CCDC171: variants seen among roughly 807,000 people sequenced by gnomAD.
CCDC171 encodes the protein coiled-coil domain-containing protein 171.
CCDC171 carries 177 observed loss-of-function variants against 168.2 expected under a neutral mutation model. The observed-to-expected ratio is 1.05, with a 90% confidence interval of 0.93 to 1.19. The LOEUF (loss-of-function observed/expected upper bound fraction) is 1.19, where lower values mean the gene tolerates loss of function less well. Among genes scored for constraint, CCDC171 ranks in the 50% most tolerant of loss-of-function variants. The probability of loss-of-function intolerance (pLI) is 0.00; values close to 1 mark genes in which losing one functional copy is unlikely to be tolerated. For synonymous variants in CCDC171, 687 were observed against 540.8 expected (o/e 1.27, Z -3.75); for missense variants, 1,991 against 1,539.0 (o/e 1.29, Z -4.91).
chr9:15,915,414 C>T (rs376320585), intron 24 of CCDC171, among the ~76,000 whole-genome samples: 117 of 151,574 alleles, frequency 7.7e-4, no homozygotes, highest in Non-Finnish European at 1.0e-3. Context: ...ATTTTGTCCT[C>T]AGATAGATTA....
chr9:15,556,339 A>G (rs1427869526), intron 1 of CCDC171, among the ~76,000 whole-genome samples: 1 of 152,124 alleles, frequency 6.6e-6, no homozygotes, highest in Non-Finnish European at 1.5e-5. Flanking sequence ...TGGTTGAACT[A>G]GTTTACAGTC....
chr9:16,034,457 A>G lies in CCDC171; in HGVS notation n.999-1000A>G, dbSNP rs1399139670. On this transcript the variant is annotated intron_variant and non_coding_transcript_variant, in intron 6 of 9. Transcript: ENST00000486641. ...TTTTTACTTCATTGTGGGAAGGGAG[A>G]TCTCACACATTTTTTCCACAGTAAT... 2.0e-5 allele frequency among the ~76,000 whole-genome samples: 3 copies of G among 152,226 alleles called. No homozygotes were observed. In the East Asian group the frequency reaches 5.8e-4, roughly 29 times the overall value.
chr9:15,857,154 T>G (rs2061376599), intron 23 of CCDC171, among the ~76,000 whole-genome samples: 1 of 151,984 alleles, frequency 6.6e-6, no homozygotes, highest in Non-Finnish European at 1.5e-5. Flanking sequence ...GTATTTTCTC[T>G]TATCCCACAG....
At chr9:15,748,067 T>C (rs571292461) in intron 18 of CCDC171, among the ~76,000 whole-genome samples, 71 of 152,212 alleles carry the variant, frequency 4.7e-4, no homozygotes, top group Non-Finnish European at 7.2e-4. Flanking sequence ...GACCATCATG[T>C]TGAAGCTGCC....
intron 6 of CCDC171, among the ~76,000 whole-genome samples, chr9:15,599,001 G>A (rs2042611178): frequency 6.6e-6 from 1 of 152,014 alleles, no homozygotes; most frequent in African/African-American, 2.4e-5. Flanking sequence ...CATTTGCTTG[G>A]TGGATCTTCC....
chr9:15,874,514 C>G lies in CCDC171; in HGVS notation c.3469-18C>G. 1.3e-6 allele frequency: 2 copies of G among 1,577,074 alleles called. No individual in the cohort carries two copies. Among genetic ancestry groups the G allele is most frequent in the South Asian group, 1.2e-5 (1 of 84,688 alleles). On this transcript the variant is annotated intron_variant, in intron 23 of 25. Transcript: ENST00000380701. The stretch of plus-strand genomic sequence containing the variant: ...GTCTGAAGGGGAATTACCATTGATG[C>G]TGTTTTTTTCCCTTTAGGTCAGAGA...
chr9:15,758,136 C>A (rs2135020426), intron 18 of CCDC171, among the ~76,000 whole-genome samples: 1 of 152,322 alleles, frequency 6.6e-6, no homozygotes, highest in South Asian at 2.1e-4. Flanking sequence ...CCACTGACAG[C>A]TCGCACTGTT....
At chr9:15,824,342 T>C (rs1033282380) in intron 21 of CCDC171, among the ~76,000 whole-genome samples, 5 of 152,000 alleles carry the variant, frequency 3.3e-5, no homozygotes, top group Admixed American at 2.6e-4. Flanking sequence ...TATGTATTAA[T>C]TTTATATGTT....
intron 20 of CCDC171, 112 bp downstream of exon 20, chr9:15,779,262 C>G (rs2135416907): frequency 1.8e-6 from 1 of 540,700 alleles, no homozygotes; most frequent in Non-Finnish European, 2.9e-6. Flanking sequence ...AATTCAAAAG[C>G]CTATTAATAA....
chr9:15,601,453 A>G (rs926635476), intron 6 of CCDC171, among the ~76,000 whole-genome samples: 1 of 152,220 alleles, frequency 6.6e-6, no homozygotes. Flanking sequence ...AGGACAGTAC[A>G]ACCACGCTTT....
chr9:15,764,797 T>A (rs1375976151), intron 18 of CCDC171, among the ~76,000 whole-genome samples: 2 of 152,210 alleles, frequency 1.3e-5, no homozygotes, highest in East Asian at 3.8e-4. Flanking sequence ...TTAACCCTGG[T>A]TGTACATTAG....
intron 25 of CCDC171, among the ~76,000 whole-genome samples, chr9:15,969,238 A>C (rs1363829646): frequency 6.6e-6 from 1 of 152,184 alleles, no homozygotes; most frequent in African/African-American, 2.4e-5. Context: ...TATTAGAAAA[A>C]GTAGGATGAG....
intron 23 of CCDC171, among the ~76,000 whole-genome samples, chr9:15,849,307 G>A (rs1020371025): frequency 1.3e-5 from 2 of 150,436 alleles, no homozygotes; most frequent in Non-Finnish European, 3.0e-5. Context: ...TTAAACCAAT[G>A]GTCCTATATA....
intron 6 of CCDC171, among the ~76,000 whole-genome samples, chr9:15,595,869 G>C (rs1011302995): frequency 2.0e-5 from 3 of 152,106 alleles, no homozygotes; most frequent in African/African-American, 7.2e-5. Flanking sequence ...ACCTCATTGT[G>C]GTTTTGATTT....
At chr9:15,711,666 C>A (rs1335567076) in intron 11 of CCDC171, among the ~76,000 whole-genome samples, 1 of 152,144 alleles carries the variant, frequency 6.6e-6, no homozygotes, top group South Asian at 2.1e-4. Context: ...AAGAATTAGA[C>A]CTTATGCAAT....
chr9:16,038,126 G>A (rs141178131), upstream of CCDC171, among the ~76,000 whole-genome samples: 313 of 152,240 alleles, frequency 2.1e-3, 1 homozygote, highest in Middle Eastern at 6.8e-3. Flanking sequence ...AAGTCAAGAA[G>A]ATGACATACC....
intron 1 of CCDC171, among the ~76,000 whole-genome samples, chr9:15,555,199 A>G (rs1340898200): frequency 1.3e-5 from 2 of 152,158 alleles, no homozygotes; most frequent in African/African-American, 4.8e-5. Flanking sequence ...AATGCTTCTC[A>G]TTGATGAATG....
chr9:16,093,809 C>T, the CCDC171 span, among the ~76,000 whole-genome samples: 1 of 152,166 alleles, frequency 6.6e-6, no homozygotes, highest in African/African-American at 2.4e-5. Flanking sequence ...TAGCAGTCGG[C>T]ACATAGACCC....
chr9:16,015,732 T>A (rs1832995412), intron 3 of CCDC171, among the ~76,000 whole-genome samples: 1 of 152,184 alleles, frequency 6.6e-6, no homozygotes, highest in South Asian at 2.1e-4. Context: ...TCTAAAACTT[T>A]TCCATCTTCC....
Sources: gnomAD v4.1 joint callset for allele counts (sites outside exome capture counted in the v4.1 genomes callset) on GRCh38, gnomAD v4.1.1 for gene constraint, MANE v1.5 for transcripts, NCBI Gene and HGNC (gene_info 2026-07-23, HGNC 2026-07-21) for gene names.